Variants in RSBN1L observed in about 807,000 individuals in gnomAD.
RSBN1L encodes the protein round spermatid basic protein 1 like.
In RSBN1L, 30 loss-of-function variants were observed where a neutral mutation model predicts 67.7. The ratio of observed to expected loss-of-function variants is 0.44; its 90% CI spans 0.33 to 0.60. The LOEUF is 0.60. Ranked by LOEUF, RSBN1L falls within the 20% of genes least tolerant of loss-of-function variation. The pLI is 0.02. For synonymous variants in RSBN1L, 433 were observed against 387.0 expected (o/e 1.12, Z -1.39); for missense variants, 992 against 1,031.7 (o/e 0.96, Z 0.53).
intron 5 of RSBN1L, among the ~76,000 whole-genome samples, chr7:77,771,114 G>A (rs1791843358): frequency 6.6e-6 from 1 of 152,060 alleles, no homozygotes; most frequent in Non-Finnish European, 1.5e-5. Context: ...GCTAATTTTT[G>A]TATTTTCAGT....
At chr7:77,743,605 T>G (rs563650582) in intron 2 of RSBN1L, among the ~76,000 whole-genome samples, 1 of 152,284 alleles carries the variant, frequency 6.6e-6, no homozygotes, top group African/African-American at 2.4e-5. Flanking sequence ...CAAACTAATG[T>G]GTTCTCCTGG....
At chr7:77,757,119 A>C (rs1184743673) in intron 3 of RSBN1L, among the ~76,000 whole-genome samples, 1 of 152,230 alleles carries the variant, frequency 6.6e-6, no homozygotes, top group Admixed American at 6.5e-5. Context: ...AAAAGATGAC[A>C]AATTATGTAG....
chr7:77,749,088 T>C (rs1414891997), intron 2 of RSBN1L, among the ~76,000 whole-genome samples: 2 of 152,032 alleles, frequency 1.3e-5, no homozygotes, highest in Non-Finnish European at 2.9e-5. Context: ...ACCTTGTCTC[T>C]TCTAAAAACA....
At chr7:77,754,828 C>T (rs1791596010) in intron 3 of RSBN1L, among the ~76,000 whole-genome samples, 1 of 152,114 alleles carries the variant, frequency 6.6e-6, no homozygotes, top group East Asian at 1.9e-4. Flanking sequence ...AAAATCACAG[C>T]ACTGCACTCC....
chr7:77,736,836 A>G (rs1361416062), intron 2 of RSBN1L, among the ~76,000 whole-genome samples: 1 of 152,202 alleles, frequency 6.6e-6, no homozygotes, highest in Non-Finnish European at 1.5e-5. Flanking sequence ...ATAATCTAAA[A>G]GGAAGAAATT....
chr7:77,764,880 C>T (rs1220395981), intron 3 of RSBN1L, among the ~76,000 whole-genome samples: 1 of 152,146 alleles, frequency 6.6e-6, no homozygotes, highest in Non-Finnish European at 1.5e-5. Flanking sequence ...ATCCGCCTGC[C>T]TTGGCCTCCC....
At chr7:77,741,217 C>T (rs943180005) in intron 2 of RSBN1L, among the ~76,000 whole-genome samples, 1 of 151,492 alleles carries the variant, frequency 6.6e-6, no homozygotes, top group African/African-American at 2.4e-5. Context: ...GAACTCCTGA[C>T]CTCAAGCAGT....
chr7:77,742,910 G>C (rs1193598869), intron 2 of RSBN1L, among the ~76,000 whole-genome samples: 1 of 152,198 alleles, frequency 6.6e-6, no homozygotes, highest in African/African-American at 2.4e-5. Flanking sequence ...CTTATGGAAT[G>C]GGGGGAACCC....
At chr7:77,714,822 G>C (rs1791024638) in intron 1 of RSBN1L, among the ~76,000 whole-genome samples, 1 of 152,068 alleles carries the variant, frequency 6.6e-6, no homozygotes, top group Non-Finnish European at 1.5e-5. Flanking sequence ...AGTTAGCTGG[G>C]CATGGTGGCA....
rs1305253759 is a variant in RSBN1L, at chr7:77,779,557, A to G, written c.*389A>G. ...ATTTATATCCTTTTTTTTCATTTTA[A>G]ATGTGTCAGCACTGTAGTGTAAATA... On this transcript the variant is annotated 3_prime_UTR_variant, in exon 8 of 8. Transcript: ENST00000334955. The G allele has an allele frequency of 6.6e-6, 1 of 150,828 alleles. No homozygotes were observed. The highest frequency in any genetic ancestry group is 1.9e-4 in the East Asian group (1 of 5,168). The allele number at this position is 150,828 out of a possible 1,614,324, so 9.3% of individuals were successfully genotyped here.
chr7:77,755,141 G>A (rs1397327266), intron 3 of RSBN1L, among the ~76,000 whole-genome samples: 1 of 152,122 alleles, frequency 6.6e-6, no homozygotes, highest in Admixed American at 6.6e-5. Flanking sequence ...GGGGAAGGAA[G>A]AGCAGAGGTA....
chr7:77,736,329 C>A, intron 1 of RSBN1L, 81 bp from the exon 2 acceptor site: 1 of 642,396 alleles, frequency 1.6e-6, no homozygotes, highest in Non-Finnish European at 2.1e-6. Flanking sequence ...ATTGTAATTC[C>A]AGAAATTTAC....
At chr7:77,698,160 G>A (rs1215902956) in intron 1 of RSBN1L, among the ~76,000 whole-genome samples, 1 of 152,218 alleles carries the variant, frequency 6.6e-6, no homozygotes, top group Admixed American at 6.5e-5. Context: ...TGCTGCATGT[G>A]CATGTAGCAA....
intron 1 of RSBN1L, among the ~76,000 whole-genome samples, chr7:77,713,395 C>T (rs1472879298): frequency 6.6e-6 from 1 of 150,662 alleles, no homozygotes; most frequent in African/African-American, 2.4e-5. Flanking sequence ...CTCACTCTGT[C>T]GCCCAGGCTG....
intron 4 of RSBN1L, among the ~76,000 whole-genome samples, chr7:77,767,540 A>C (rs1791786839): frequency 6.6e-6 from 1 of 151,370 alleles, no homozygotes; most frequent in African/African-American, 2.4e-5. Flanking sequence ...TGCTAGGCTA[A>C]TTTTTTGTAT....
chr7:77,765,465 T>G, intron 3 of RSBN1L, 30 bp from the exon 4 acceptor site: 1 of 1,495,852 alleles, frequency 6.7e-7, no homozygotes, highest in Non-Finnish European at 9.0e-7. Flanking sequence ...AGAACGTATT[T>G]AACTTTTAAT....
At chr7:77,767,287 GA>G (rs1206548029) in intron 4 of RSBN1L, among the ~76,000 whole-genome samples, 241 of 5,870 alleles carry the variant, frequency 0.041, 1 homozygote, top group Middle Eastern at 0.22. Flanking sequence ...GGTGTGTGGT[GA>G]AATTTTTTTT....
rs1240454304 is a variant in RSBN1L, at chr7:77,709,373, G to A, written c.586+12318G>A. ...GGCACAATCTTGGCTCACTGCAACC[G>A]CCACCTCCTGGGTTCAAGTGATTCT... On this transcript the variant is annotated intron_variant, in intron 1 of 7. Transcript: ENST00000334955. Among the ~76,000 whole-genome samples, 4 of 151,596 alleles carry A rather than the reference G, an allele frequency of 2.6e-5. 1 individual carries two copies. Among genetic ancestry groups the A allele is most frequent in the Non-Finnish European group, 2.9e-5 (2 of 67,842 alleles).
At chr7:77,710,886 C>G (rs1024353677) in intron 1 of RSBN1L, among the ~76,000 whole-genome samples, 5 of 152,126 alleles carry the variant, frequency 3.3e-5, no homozygotes, top group Admixed American at 6.6e-5. Flanking sequence ...GCCACCGTGC[C>G]CAGCCTTCTT....
Sources: allele counts gnomAD v4.1 joint callset (sites outside exome capture counted in the v4.1 genomes callset), GRCh38; gene constraint gnomAD v4.1.1; transcripts MANE v1.5; gene names NCBI Gene and HGNC (gene_info 2026-07-23, HGNC 2026-07-21).